Variants in MFNG observed in about 807,000 individuals in gnomAD.
The protein encoded by MFNG is beta-1,3-N-acetylglucosaminyltransferase manic fringe.
A neutral mutation model predicts 34.2 loss-of-function variants in MFNG; 24 were observed. The observed-to-expected ratio is 0.70, with a 90% CI of 0.51 to 0.99. The LOEUF (loss-of-function observed/expected upper bound fraction) is 0.99. Among genes scored for constraint, MFNG ranks in the 50% least tolerant of loss-of-function variants. The pLI, the probability that MFNG is intolerant of heterozygous loss-of-function variation, is 0.00. For synonymous variants in MFNG, 158 were observed against 179.2 expected, an observed-to-expected ratio of 0.88 and a Z score of 0.94; for missense variants, 383 against 424.0, an observed-to-expected ratio of 0.90 and a Z score of 0.85.
At chr22:37,475,435 G>T (rs1269522172) in intron 5 of MFNG, among the ~76,000 whole-genome samples, 1 of 152,120 alleles carries the variant, frequency 6.6e-6, no homozygotes, top group African/African-American at 2.4e-5. Context: ...CGTTGGCCAG[G>T]CTGGTCTTGA....
chr22:37,473,263 C>T (rs915514783), intron 6 of MFNG, among the ~76,000 whole-genome samples: 2 of 152,012 alleles, frequency 1.3e-5, no homozygotes, highest in Non-Finnish European at 2.9e-5. Flanking sequence ...CATGGTGAAA[C>T]CCTGTCTCTA....
chr22:37,479,613 G>T, intron 3 of MFNG, 115 bp from the exon 4 acceptor site: 1 of 1,294,238 alleles, frequency 7.7e-7, no homozygotes, highest in Non-Finnish European at 1.1e-6. Flanking sequence ...GGGAGAGGCT[G>T]ACATTTAAGG....
In MFNG at chr22:37,474,647, G is replaced by A. The variant is rs1325123716; in HGVS notation, c.678C>T (p.Leu226=). ...SGSRFMDTSA[L]IRLPDDCTMG... ...TGGTGCAGTCATCAGGCAGCCGGAT[G>A]AGAGCAGATGTGTCCATGAAACGGG... The change falls in exon 6 of 8, where the codon CTC becomes CTT. Residue 226 remains leucine (L), a synonymous_variant. Coordinates refer to ENST00000356998, the MANE Select transcript of MFNG (RefSeq NM_002405.4). 4 of 1,610,682 alleles carry A rather than the reference G, an allele frequency of 2.5e-6. No individual in the cohort carries two copies. Among genetic ancestry groups the A allele is most frequent in the South Asian group, 2.2e-5 (2 of 90,814 alleles).
In MFNG at chr22:37,485,789, G is replaced by T; in HGVS notation, c.255+134C>A. ...AAAGCCCGGAAGAAGGAGAGAGGAAGAGGATCCCTGATTAGGCAGGTATTG... is the reference window on the plus strand; with the variant it reads ...AAAGCCCGGAAGAAGGAGAGAGGAATAGGATCCCTGATTAGGCAGGTATTG... On this transcript the variant is annotated intron_variant, in intron 1 of 7. Transcript: ENST00000356998. This position sits in a 1 kb window ranked among gnomAD's most constrained non-coding sequence, Gnocchi z 5.3. 1 of 1,120,162 alleles carries T rather than the reference G, an allele frequency of 8.9e-7. No homozygotes were observed. Among genetic ancestry groups the T allele is most frequent in the Non-Finnish European group, 1.2e-6 (1 of 801,054 alleles). 69.4% of individuals were successfully genotyped at this position (1,120,162 alleles called of 1,614,324 possible).
In MFNG at chr22:37,485,610, C is replaced by A. The variant is rs375488573; in HGVS notation, c.255+313G>T. On this transcript the variant is annotated intron_variant, in intron 1 of 7. Transcript: ENST00000356998. The surrounding 1 kb of genome is among the most constrained non-coding windows in gnomAD (Gnocchi z 5.3). ...TGGGTGGCTAGGAGCGAAGCCCCCACGGGAGCGGCTAGGAATAGAAGAACC... is the reference window on the plus strand; with the variant it reads ...TGGGTGGCTAGGAGCGAAGCCCCCAAGGGAGCGGCTAGGAATAGAAGAACC... Among the ~76,000 whole-genome samples the A allele has an allele frequency of 2.0e-5, 3 of 152,162 alleles. No homozygotes were observed. Among genetic ancestry groups the A allele is most frequent in the Non-Finnish European group, 2.9e-5 (2 of 68,028 alleles).
rs1352413815 is a variant in MFNG at position 37,480,778 on chromosome 22, GAGA to G, written c.256-12_256-10del. 6.2e-6 allele frequency: 10 copies of G among 1,612,846 alleles called. No individual in the cohort carries two copies. The highest frequency in any genetic ancestry group is 7.6e-6 in the Non-Finnish European group (9 of 1,179,572). On this transcript the variant is annotated splice_polypyrimidine_tract_variant and intron_variant, in intron 1 of 7. Coordinates refer to ENST00000356998, the MANE Select transcript of MFNG (RefSeq NM_002405.4). ...TCGGTGAAGACAAATGTCTAGGAAG[GAGA>G]AGAAGGGGTCAGGACTCACATCGGC...
In MFNG at chr22:37,486,317, T is replaced by C; in HGVS notation, c.-140A>G. On this transcript the variant is annotated 5_prime_UTR_variant, in exon 1 of 8. Coordinates refer to ENST00000356998, the MANE Select transcript of MFNG (RefSeq NM_002405.4). Reference sequence around the variant, plus strand: ...TGGCAAGGAGGGAAGAGGTAGGAGCTGAGGCTCTGGACCCAGAGGCTGAGC... The same window carrying C: ...TGGCAAGGAGGGAAGAGGTAGGAGCCGAGGCTCTGGACCCAGAGGCTGAGC... 1 of 961,506 alleles carries C rather than the reference T, an allele frequency of 1.0e-6. No individual in the cohort carries two copies. Among genetic ancestry groups the C allele is most frequent in the Admixed American group, 3.3e-5 (1 of 30,560 alleles). 59.6% of individuals were successfully genotyped at this position (961,506 alleles called of 1,614,324 possible). A position where few individuals can be genotyped will look rare whatever the true frequency, so the allele number is the denominator to read the frequency against.
rs1921958034 is a variant in MFNG, at chr22:37,474,621, A to G, written c.704T>C (p.Met235Thr). ...ALIRLPDDCTMGYIIECKLGG... is the reference protein window; with the variant it reads ...ALIRLPDDCTTGYIIECKLGG... ...CAGCTTGCACTCAATGATATAGCCC[A>G]TGGTGCAGTCATCAGGCAGCCGGAT... Residue 235 changes from methionine to threonine, a missense_variant, in exon 6 of 8, where the codon ATG becomes ACG. Met to Thr is a moderately conservative substitution (Grantham distance 81, BLOSUM62 -1). Coordinates refer to ENST00000356998, the MANE Select transcript of MFNG (RefSeq NM_002405.4). 1.9e-6 allele frequency: 3 copies of G among 1,613,938 alleles called. No individual in the cohort carries two copies. Among genetic ancestry groups the G allele is most frequent in the Non-Finnish European group, 2.5e-6 (3 of 1,179,930 alleles).
intron 5 of MFNG, among the ~76,000 whole-genome samples, chr22:37,475,038 A>G (rs1202717141): frequency 1.3e-5 from 2 of 152,122 alleles, no homozygotes; most frequent in African/African-American, 4.8e-5. Context: ...GAGGATACAG[A>G]GATGAGAAAG....
intron 2 of MFNG, 25 bp from the exon 3 acceptor site, chr22:37,480,324 G>A: frequency 6.3e-7 from 1 of 1,591,830 alleles, no homozygotes; most frequent in East Asian, 2.2e-5. Context: ...AGGAGTCAGG[G>A]GACCCTGCCC....
chr22:37,481,623 G>A (rs963582682), intron 1 of MFNG, among the ~76,000 whole-genome samples: 20 of 152,312 alleles, frequency 1.3e-4, no homozygotes, highest in Middle Eastern at 3.4e-3. Flanking sequence ...TTCCATGCCC[G>A]GCCCAACATG....
chr22:37,470,148 C>T, intron 7 of MFNG, 119 bp from the exon 8 acceptor site: 7 of 685,408 alleles, frequency 1.0e-5, no homozygotes, highest in Non-Finnish European at 1.3e-5. Flanking sequence ...ACCTCAACAC[C>T]ACTAACACTT....
At chr22:37,475,627 T>C (rs1371611525) in intron 5 of MFNG, among the ~76,000 whole-genome samples, 3 of 152,154 alleles carry the variant, frequency 2.0e-5, no homozygotes, top group Non-Finnish European at 4.4e-5. Flanking sequence ...GCCGCTGCCC[T>C]GGATGCTTGT....
intron 7 of MFNG, among the ~76,000 whole-genome samples, chr22:37,470,557 T>C (rs772168024): frequency 3.0e-4 from 45 of 152,274 alleles, no homozygotes; most frequent in Non-Finnish European, 5.6e-4. Flanking sequence ...CTCATCCTAC[T>C]AGAAGGCAGC....
intron 4 of MFNG, among the ~76,000 whole-genome samples, chr22:37,477,243 G>A (rs1341943795): frequency 6.6e-6 from 1 of 152,172 alleles, no homozygotes; most frequent in Non-Finnish European, 1.5e-5. Flanking sequence ...AAGGGGACAG[G>A]TGTTGTTTTA....
rs1355117228 is a variant in MFNG at position 37,485,222 on chromosome 22, A to G, written c.255+701T>C. On this transcript the variant is annotated intron_variant, in intron 1 of 7. Transcript: ENST00000356998. This position sits in a 1 kb window ranked among gnomAD's most constrained non-coding sequence, Gnocchi z 5.3. Reference sequence around the variant, plus strand: ...ACACACACAATCCCACGTGCCAGGCAGGCCTCCCCAACCTCCGGCCCACCA... The same window carrying G: ...ACACACACAATCCCACGTGCCAGGCGGGCCTCCCCAACCTCCGGCCCACCA... Among the ~76,000 whole-genome samples, 3 of 151,968 alleles carry G rather than the reference A, an allele frequency of 2.0e-5. No individual in the cohort carries two copies.
chr22:37,471,561 C>T (rs1461181381), intron 7 of MFNG, among the ~76,000 whole-genome samples: 3 of 152,060 alleles, frequency 2.0e-5, no homozygotes, highest in East Asian at 1.9e-4. Context: ...CCGGGGGCAG[C>T]GGCTCATGCC....
intron 2 of MFNG, 67 bp from the exon 3 acceptor site, chr22:37,480,366 T>G (rs1203350302): frequency 3.1e-6 from 4 of 1,275,972 alleles, no homozygotes; most frequent in Non-Finnish European, 4.5e-6. Flanking sequence ...GAACACAGAA[T>G]ACAGAGCAAG....
In MFNG at chr22:37,486,016, G is replaced by A. The variant is rs1485615578; in HGVS notation, c.162C>T (p.His54=). Residue 54 remains histidine (H), a synonymous_variant, in exon 1 of 8, where the codon CAC becomes CAT. Transcript: ENST00000356998. ...PNPGPPKLQL[H]DVFIAVKTTR... Reference sequence around the variant, plus strand: ...TCGTCTTCACTGCAATGAAGACATCGTGTAGCTGTAGCTTAGGGGGCCCCG... The same window carrying A: ...TCGTCTTCACTGCAATGAAGACATCATGTAGCTGTAGCTTAGGGGGCCCCG... 4.3e-6 allele frequency: 7 copies of A among 1,614,120 alleles called. No homozygotes were observed. The highest frequency in any genetic ancestry group is 5.9e-6 in the Non-Finnish European group (7 of 1,179,992).
Sources: allele counts gnomAD v4.1 joint callset (sites outside exome capture counted in the v4.1 genomes callset), GRCh38; gene constraint gnomAD v4.1.1; non-coding constraint Gnocchi (gnomAD v3.1); transcripts MANE v1.5; gene names NCBI Gene and HGNC (gene_info 2026-07-23, HGNC 2026-07-21).